The following TSPAN5 variants were observed in gnomAD, a reference collection of about 807,000 sequenced individuals.
The protein encoded by TSPAN5 is tetraspanin-5.
TSPAN5 carries 10 observed loss-of-function variants against 37.1 expected under a neutral mutation model. That is an observed-to-expected ratio of 0.27 (90% CI 0.17 to 0.46). TSPAN5 has a LOEUF of 0.46. Among genes scored for constraint, TSPAN5 ranks in the 20% least tolerant of loss-of-function variants. The probability of loss-of-function intolerance (pLI) is 1.00; values close to 1 mark genes in which losing one functional copy is unlikely to be tolerated. For missense variants in TSPAN5, 195 were observed against 326.6 expected, an observed-to-expected ratio of 0.60 and a Z score of 3.11; for synonymous variants, 110 against 118.9, an observed-to-expected ratio of 0.93 and a Z score of 0.48.
intron 1 of TSPAN5, among the ~76,000 whole-genome samples, chr4:98,595,739 A>G (rs1755748252): frequency 1.0e-5 from 1 of 97,294 alleles, no homozygotes; most frequent in Non-Finnish European, 1.9e-5. Flanking sequence ...CATGTAGTTG[A>G]GCGGCTTTGA....
At chr4:98,583,883 T>C (rs1005756123) in intron 1 of TSPAN5, among the ~76,000 whole-genome samples, 2 of 152,194 alleles carry the variant, frequency 1.3e-5, no homozygotes, top group African/African-American at 4.8e-5. Context: ...TCTTCCCATC[T>C]GACATCCACT....
At chr4:98,520,970 C>A (rs138548591) in intron 1 of TSPAN5, among the ~76,000 whole-genome samples, 1 of 152,006 alleles carries the variant, frequency 6.6e-6, no homozygotes, top group African/African-American at 2.4e-5. Flanking sequence ...CTCGCTCTGT[C>A]GCCCAGGCTG....
intron 1 of TSPAN5, among the ~76,000 whole-genome samples, chr4:98,589,441 GTGA>G (rs1393187700): frequency 4.6e-5 from 7 of 152,152 alleles, no homozygotes; most frequent in African/African-American, 1.7e-4. Context: ...CTTAAGGCCT[GTGA>G]TGATGGCCCT....
intron 1 of TSPAN5, among the ~76,000 whole-genome samples, chr4:98,559,849 C>T (rs1263402393): frequency 2.6e-5 from 4 of 152,154 alleles, no homozygotes; most frequent in Admixed American, 2.6e-4. Context: ...AACCAGCAAG[C>T]AGACTTAGTT....
intron 1 of TSPAN5, chr4:98,574,799 A>G (rs762126498): frequency 3.9e-5 from 6 of 152,354 alleles, no homozygotes; most frequent in Non-Finnish European, 7.3e-5. Flanking sequence ...ACACATGGTA[A>G]ATGGCAACAT....
At position 98,497,605 on chromosome 4, in the gene TSPAN5, CAGG is replaced by C. The variant is rs1347222895; in HGVS notation, c.132+10070_132+10072del. Among the ~76,000 whole-genome samples the C allele has an allele frequency of 3.3e-5, 5 of 152,220 alleles. 1 individual carries two copies. In the East Asian group the frequency reaches 9.6e-4, roughly 29 times the overall value. On this transcript the variant is annotated intron_variant, in intron 2 of 7. Coordinates refer to ENST00000305798, the MANE Select transcript of TSPAN5 (RefSeq NM_005723.4). The stretch of plus-strand genomic sequence containing the variant: ...AAAAAGGTGAAGTCTGGACTAGCGG[CAGG>C]TGACCCTCTATTCTGGGACCTCAAA...
At chr4:98,649,009 C>A (rs557643407) in intron 1 of TSPAN5, among the ~76,000 whole-genome samples, 5 of 152,310 alleles carry the variant, frequency 3.3e-5, no homozygotes, top group Admixed American at 6.5e-5. Flanking sequence ...ACAGAAGTGA[C>A]CCCTAGTTAG....
chr4:98,492,502 T>C (rs1302001510), intron 2 of TSPAN5, among the ~76,000 whole-genome samples: 1 of 152,158 alleles, frequency 6.6e-6, no homozygotes, highest in African/African-American at 2.4e-5. Context: ...TGCGAAGTCC[T>C]GCACAACACA....
At chr4:98,624,122 A>G (rs1756538716) in intron 1 of TSPAN5, among the ~76,000 whole-genome samples, 1 of 152,204 alleles carries the variant, frequency 6.6e-6, no homozygotes, top group South Asian at 2.1e-4. Context: ...GCTGGTATTC[A>G]GGCCTGGTAT....
Position 98,530,011 on chromosome 4 carries a change from C to A in TSPAN5, c.82-22283G>T, listed in dbSNP as rs1028120205. On this transcript the variant is annotated intron_variant, in intron 1 of 7. Coordinates refer to ENST00000305798, the MANE Select transcript of TSPAN5 (RefSeq NM_005723.4). ...GAAAGCTAGACCACAGTTTCTGCAG[C>A]CTTGACTTCAGACTCTGAGTTCCTT... 6.6e-5 allele frequency among the ~76,000 whole-genome samples: 10 copies of A among 152,198 alleles called. No individual in the cohort carries two copies. The East Asian group carries it at 1.5e-3, about 23-fold the overall frequency.
In TSPAN5 at chr4:98,609,043, G is replaced by A. The variant is rs188997406; in HGVS notation, c.81+49103C>T. Among the ~76,000 whole-genome samples the A allele has an allele frequency of 3.8e-4, 58 of 152,172 alleles. 1 individual carries two copies. Among genetic ancestry groups the A allele is most frequent in the African/African-American group, 1.3e-3 (53 of 41,524 alleles). On this transcript the variant is annotated intron_variant, in intron 1 of 7. Transcript: ENST00000305798. ...CTCTTGCACGAGACTTACATTTAGA[G>A]GGTTTCAGGTAGCAAGTCAGGATTA...
chr4:98,647,374 G>A (rs769603290), intron 1 of TSPAN5, among the ~76,000 whole-genome samples: 4 of 152,174 alleles, frequency 2.6e-5, no homozygotes, highest in Non-Finnish European at 5.9e-5. Flanking sequence ...TTTGTTGGAA[G>A]CACAACATTA....
At chr4:98,580,330 T>C (rs1467168461) in intron 1 of TSPAN5, among the ~76,000 whole-genome samples, 1 of 152,210 alleles carries the variant, frequency 6.6e-6, no homozygotes. Context: ...AAACAGTTCA[T>C]AGAAACATCA....
chr4:98,554,065 TA>T (rs899917084), intron 1 of TSPAN5, among the ~76,000 whole-genome samples: 9 of 146,736 alleles, frequency 6.1e-5, no homozygotes, highest in African/African-American at 1.8e-4. Context: ...AGACTCTATC[TA>T]AAAAAAAAAT....
chr4:98,580,998 C>A (rs1370047540), intron 1 of TSPAN5, among the ~76,000 whole-genome samples: 1 of 152,110 alleles, frequency 6.6e-6, no homozygotes, highest in East Asian at 1.9e-4. Flanking sequence ...GTTAATAACT[C>A]CAATCTGAAA....
chr4:98,627,688 T>C (rs1295735857), intron 1 of TSPAN5, among the ~76,000 whole-genome samples: 1 of 152,232 alleles, frequency 6.6e-6, no homozygotes, highest in African/African-American at 2.4e-5. Flanking sequence ...AGAACATTTG[T>C]GTGTATAAAC....
chr4:98,621,493 G>A (rs1364133021), intron 1 of TSPAN5, among the ~76,000 whole-genome samples: 2 of 149,844 alleles, frequency 1.3e-5, no homozygotes, highest in African/African-American at 2.5e-5. Flanking sequence ...TCAGCCTCCC[G>A]AGTAGCTGGG....
intron 1 of TSPAN5, among the ~76,000 whole-genome samples, chr4:98,643,309 A>G (rs1756996501): frequency 6.6e-6 from 1 of 152,134 alleles, no homozygotes; most frequent in African/African-American, 2.4e-5. Context: ...TAGGCTACAC[A>G]CCGTCTATGT....
chr4:98,571,937 C>T (rs1755132706), intron 1 of TSPAN5, among the ~76,000 whole-genome samples: 1 of 151,860 alleles, frequency 6.6e-6, no homozygotes. Context: ...CAAGAAAAGG[C>T]AATTACAATA....
Sources: gnomAD v4.1 joint callset for allele counts (sites outside exome capture counted in the v4.1 genomes callset) on GRCh38, gnomAD v4.1.1 for gene constraint, MANE v1.5 for transcripts, NCBI Gene and HGNC (gene_info 2026-07-23, HGNC 2026-07-21) for gene names.